The following KIAA1614 variants were observed in gnomAD, a reference collection of about 807,000 sequenced individuals.
KIAA1614 encodes the protein uncharacterized protein KIAA1614.
A neutral mutation model predicts 88.7 loss-of-function variants in KIAA1614; 76 were observed. The observed-to-expected ratio is 0.86, with a 90% CI of 0.71 to 1.04. The LOEUF (loss-of-function observed/expected upper bound fraction) is 1.04. Ranked by LOEUF, KIAA1614 falls within the 50% of genes least tolerant of loss-of-function variation. The pLI is 0.00. For synonymous variants in KIAA1614, 714 were observed against 675.5 expected (o/e 1.06, Z -0.88); for missense variants, 1,553 against 1,582.5 (o/e 0.98, Z 0.32).
chr1:180,915,299 A>G (rs923408538), intron 1 of KIAA1614, among the ~76,000 whole-genome samples: 1 of 152,150 alleles, frequency 6.6e-6, no homozygotes, highest in Non-Finnish European at 1.5e-5. Context: ...AGCACCTTCT[A>G]CTGGAGGTCA....
In KIAA1614 at chr1:180,945,382, CTGGTGG is replaced by C. The variant is rs764640247; in HGVS notation, c.3368_3373del (p.Leu1123_Glu1125delinsGln). The C allele has an allele frequency of 5.0e-6, 8 of 1,599,764 alleles. No homozygotes were observed. The highest frequency in any genetic ancestry group is 6.8e-6 in the Non-Finnish European group (8 of 1,175,638). ...CAGCCTGGCTCGCACCGTGGGCCGCCTGGTGGAGGTGTTCCCAGACGGCACCAGCCA... is the reference window on the plus strand; with the variant it reads ...CAGCCTGGCTCGCACCGTGGGCCGCCAGGTGTTCCCAGACGGCACCAGCCA... On this transcript the variant is annotated inframe_deletion, in exon 9 of 9. Transcript: ENST00000367588.
chr1:180,941,073 G>A lies in KIAA1614; in HGVS notation c.2947G>A (p.Gly983Ser). ...ATCAGCAGGAGCTGGCACAGGACCC[G>A]GCTCCCCCTCGGCTGCCCCTTTGGA... ...RASAGAGTGP[G>S]SPSAAPLDQN... The change falls in exon 7 of 9, where the codon GGC becomes AGC. Residue 983 changes from glycine (G) to serine (S), a missense_variant. Coordinates refer to ENST00000367588, the MANE Select transcript of KIAA1614 (RefSeq NM_020950.2). The A allele has an allele frequency of 9.8e-6, 13 of 1,326,400 alleles. No homozygotes were observed. The highest frequency in any genetic ancestry group is 1.3e-5 in the Non-Finnish European group (13 of 1,007,574). The allele number at this position is 1,326,400 out of a possible 1,614,324, so 82.2% of individuals were successfully genotyped here.
At chr1:180,939,011 G>T (rs975092272) in intron 6 of KIAA1614, among the ~76,000 whole-genome samples, 6 of 152,210 alleles carry the variant, frequency 3.9e-5, no homozygotes, top group South Asian at 2.1e-4. Context: ...CCAGAATGGG[G>T]TTACCTGTCT....
At chr1:180,913,538 G>T (rs960181730) in intron 1 of KIAA1614, among the ~76,000 whole-genome samples, 1 of 152,200 alleles carries the variant, frequency 6.6e-6, no homozygotes, top group Non-Finnish European at 1.5e-5. Context: ...CGATCTTCCC[G>T]AAAGCCCGTG....
intron 2 of KIAA1614, 71 bp downstream of exon 2, chr1:180,917,171 A>AG: frequency 1.6e-6 from 2 of 1,239,292 alleles, no homozygotes; most frequent in Non-Finnish European, 2.3e-6. Context: ...AAAGGGGACG[A>AG]GGGGGTCCCA....
rs773156409 is a variant in KIAA1614 at position 180,935,762 on chromosome 1, C to CT, written c.1854dup (p.Asp619Ter). On this transcript the variant is annotated frameshift_variant, in exon 5 of 9. Transcript: ENST00000367588. LOFTEE classifies it high-confidence loss of function. This position sits in a 1 kb window ranked among gnomAD's most constrained non-coding sequence, Gnocchi z 6.1. Reference sequence around the variant, plus strand: ...TCTGCCCTGGACAGCACAGACAACTCTGACAACTGCAGGACCGACAGTGAG... The same window carrying CT: ...TCTGCCCTGGACAGCACAGACAACTCTTGACAACTGCAGGACCGACAGTGAG... The CT allele has an allele frequency of 8.7e-6, 14 of 1,613,910 alleles. No individual in the cohort carries two copies. The Admixed American group carries it at 1.3e-4, about 15-fold the overall frequency.
Position 180,935,186 on chromosome 1 carries a change from A to C in KIAA1614, c.1277A>C (p.His426Pro). 6.7e-7 allele frequency: 1 copy of C among 1,482,004 alleles called. No individual in the cohort carries two copies. Among genetic ancestry groups the C allele is most frequent in the Non-Finnish European group, 9.0e-7 (1 of 1,116,774 alleles). 91.8% of individuals were successfully genotyped at this position (1,482,004 alleles called of 1,614,324 possible). Residue 426 changes from histidine (H) to proline (P), a missense_variant, in exon 5 of 9, where the codon CAC becomes CCC. Coordinates refer to ENST00000367588, the MANE Select transcript of KIAA1614 (RefSeq NM_020950.2). The surrounding 1 kb of genome is among the most constrained non-coding windows in gnomAD (Gnocchi z 6.1). ...TGCAGAGACAGCCTCCAGAACGGGC[A>C]CACGAGCGATTCCTCCAGCGGAGAG... ...PACRDSLQNGHTSDSSSGESS... is the reference protein window; with the variant it reads ...PACRDSLQNGPTSDSSSGESS...
In KIAA1614 at chr1:180,946,585, T is replaced by G; in HGVS notation, c.*997T>G. On this transcript the variant is annotated 3_prime_UTR_variant, in exon 9 of 9. Coordinates refer to ENST00000367588, the MANE Select transcript of KIAA1614 (RefSeq NM_020950.2). Reference sequence around the variant, plus strand: ...GGGAAGGAAGACACGTATGTGAGGGTGGGGAAGGAGGGGAGGGGAAGGAAG... The same window carrying G: ...GGGAAGGAAGACACGTATGTGAGGGGGGGGAAGGAGGGGAGGGGAAGGAAG... 1 of 149,190 alleles carries G rather than the reference T, an allele frequency of 6.7e-6. No individual in the cohort carries two copies. Among genetic ancestry groups the G allele is most frequent in the African/African-American group, 2.5e-5 (1 of 40,120 alleles). 9.2% of individuals were successfully genotyped at this position (149,190 alleles called of 1,614,324 possible).
In KIAA1614 at chr1:180,916,989, C is replaced by T. The variant is rs373349474; in HGVS notation, c.886C>T (p.Arg296Trp). Residue 296 changes from arginine to tryptophan, a missense_variant, in exon 2 of 9, where the codon CGG (arginine) becomes TGG (tryptophan). By Grantham distance (101) the Arg-to-Trp change is moderately radical (BLOSUM62 -3). Transcript: ENST00000367588. ...GAGCAGTGTCTTGTCCCTGTCTGAT[C>T]GGGTGGAGAGAAACCGCCTGTTGCT... is the stretch of plus-strand genomic sequence containing the variant. ...AGSSVLSLSD[R>W]VERNRLLLQE... The T allele has an allele frequency of 8.2e-5, 132 of 1,614,078 alleles. 2 individuals are homozygous for T. Among genetic ancestry groups the T allele is most frequent in the African/African-American group, 1.7e-4 (13 of 75,054 alleles).
chr1:180,932,879 A>G (rs1215926626), intron 4 of KIAA1614, among the ~76,000 whole-genome samples: 4 of 152,154 alleles, frequency 2.6e-5, no homozygotes, highest in Non-Finnish European at 2.9e-5. Flanking sequence ...AGCTGGGACT[A>G]CAGGCACGCA....
intron 6 of KIAA1614, among the ~76,000 whole-genome samples, chr1:180,939,942 C>G (rs1245858808): frequency 6.6e-6 from 1 of 152,242 alleles, no homozygotes; most frequent in Non-Finnish European, 1.5e-5. Context: ...AGCTGTTCCC[C>G]ACACCTGGAC....
intron 3 of KIAA1614, among the ~76,000 whole-genome samples, chr1:180,918,818 G>T (rs922446180): frequency 7.2e-5 from 11 of 152,164 alleles, no homozygotes; most frequent in African/African-American, 2.7e-4. Context: ...AGTCTATTTG[G>T]GCTGCTATAA....
chr1:180,943,654 T>G (rs1654522358), intron 7 of KIAA1614, among the ~76,000 whole-genome samples: 1 of 147,000 alleles, frequency 6.8e-6, no homozygotes, highest in African/African-American at 2.5e-5. Flanking sequence ...TTCAAGTGAG[T>G]CTCCTGCTTC....
rs753563570 is a variant in KIAA1614 at position 180,935,292 on chromosome 1, G to A, written c.1383G>A (p.Glu461=). Reference sequence around the variant, plus strand: ...AGGATGAGTCCGCCCGCGAAGCCGAGTTCCGTCACCTGGAGCGGCTGCAGC... The same window carrying A: ...AGGATGAGTCCGCCCGCGAAGCCGAATTCCGTCACCTGGAGCGGCTGCAGC... ...RFEDESAREA[E]FRHLERLQQR... is the part of the protein sequence containing the mutation. Residue 461 remains glutamate (E), a synonymous_variant, in exon 5 of 9, where the codon GAG becomes GAA. Transcript: ENST00000367588. This position sits in a 1 kb window ranked among gnomAD's most constrained non-coding sequence, Gnocchi z 6.1. 4 of 1,500,576 alleles carry A rather than the reference G, an allele frequency of 2.7e-6. No individual in the cohort carries two copies. The East Asian group carries it at 7.4e-5, about 28-fold the overall frequency. 93.0% of individuals were successfully genotyped at this position (1,500,576 alleles called of 1,614,324 possible). A position where few individuals can be genotyped will look rare whatever the true frequency, so the allele number is the denominator to read the frequency against.
In KIAA1614 at chr1:180,950,403, T is replaced by C. The variant is rs2102281852; in HGVS notation, c.*4815T>C. ...AAGCTGTACTCAGGGCTGCTGGGGG[T>C]GGGCGATGAGATCCTCGAGGTGAAC... On this transcript the variant is annotated 3_prime_UTR_variant, in exon 9 of 9. Transcript: ENST00000367588. 8.1e-7 allele frequency: 1 copy of C among 1,231,242 alleles called. No homozygotes were observed. The highest frequency in any genetic ancestry group is 1.6e-5 in the African/African-American group (1 of 62,582). The allele number at this position is 1,231,242 out of a possible 1,614,324, so 76.3% of individuals were successfully genotyped here.
At chr1:180,938,833 C>G (rs1654391340) in intron 6 of KIAA1614, 122 bp downstream of exon 6, 1 of 864,396 alleles carries the variant, frequency 1.2e-6, no homozygotes, top group South Asian at 1.8e-5. Context: ...TTCAGAGGAT[C>G]CCTAGACTGT....
rs1558074235 is a variant in KIAA1614, at chr1:180,945,740, G to A, written c.*152G>A. ...CTGCAGCTGAGAGTGCGTTGGTGGG[G>A]AGTGTGCGGGAGGGGGTAGAGTTGG... On this transcript the variant is annotated 3_prime_UTR_variant, in exon 9 of 9. Coordinates refer to ENST00000367588, the MANE Select transcript of KIAA1614 (RefSeq NM_020950.2). The A allele has an allele frequency of 1.6e-5, 22 of 1,378,400 alleles. No individual in the cohort carries two copies. The South Asian group carries it at 1.8e-4, about 11-fold the overall frequency. 85.4% of individuals were successfully genotyped at this position (1,378,400 alleles called of 1,614,324 possible). A position where few individuals can be genotyped will look rare whatever the true frequency, so the allele number is the denominator to read the frequency against.
intron 3 of KIAA1614, among the ~76,000 whole-genome samples, chr1:180,926,691 GGGCTGGCAGCCAGAGGCCCAC>G (rs1267899952): frequency 1.3e-5 from 2 of 152,214 alleles, no homozygotes; most frequent in African/African-American, 4.8e-5. Context: ...CCGAGTGTGC[GGGCTGGCAGCCAGAGGCCCAC>G]GGCTGCAGGG....
intron 5 of KIAA1614, 131 bp downstream of exon 5, chr1:180,936,801 C>G: frequency 1.6e-6 from 1 of 615,596 alleles, no homozygotes. Context: ...ATGGCAGCGT[C>G]ACATACCACC....
Sources: gnomAD v4.1 joint callset for allele counts (sites outside exome capture counted in the v4.1 genomes callset) on GRCh38, gnomAD v4.1.1 for gene constraint, Gnocchi (gnomAD v3.1) non-coding constraint, MANE v1.5 for transcripts, NCBI Gene and HGNC (gene_info 2026-07-23, HGNC 2026-07-21) for gene names.